PIGL: variants seen among roughly 807,000 people sequenced by gnomAD.
The protein encoded by PIGL is N-acetylglucosaminyl-phosphatidylinositol de-N-acetylase.
Under a neutral mutation model 31.1 loss-of-function variants are expected in PIGL, and 22 were observed. That is an observed-to-expected ratio of 0.71 (90% CI 0.51 to 1.01). The LOEUF (loss-of-function observed/expected upper bound fraction) is 1.01. Among genes scored for constraint, PIGL ranks in the 50% least tolerant of loss-of-function variants. The probability of loss-of-function intolerance (pLI) is 0.00; values close to 1 mark genes in which losing one functional copy is unlikely to be tolerated. For synonymous variants in PIGL, 131 were observed against 117.4 expected (o/e 1.12, Z -0.75); for missense variants, 302 against 315.9 (o/e 0.96, Z 0.33).
At chr17:16,243,600 G>A (rs542076751) in intron 2 of PIGL, among the ~76,000 whole-genome samples, 6 of 152,268 alleles carry the variant, frequency 3.9e-5, no homozygotes, top group South Asian at 2.1e-4. Context: ...TTTTAATTGC[G>A]TAACCTAGGC....
At chr17:16,264,702 A>AGCTCACTGCAGGTT (rs1388044667) in intron 2 of PIGL, among the ~76,000 whole-genome samples, 4 of 151,684 alleles carry the variant, frequency 2.6e-5, no homozygotes, top group Admixed American at 6.6e-5. Flanking sequence ...GCGTGATCTC[A>AGCTCACTGCAGGTT]GCTCACTGCA....
At chr17:16,242,864 T>A (rs2092728976) in intron 2 of PIGL, among the ~76,000 whole-genome samples, 1 of 151,862 alleles carries the variant, frequency 6.6e-6, no homozygotes, top group Non-Finnish European at 1.5e-5. Context: ...ATGGTCCACT[T>A]CCCAAAGTGC....
chr17:16,260,651 A>G (rs1441428332), intron 2 of PIGL, among the ~76,000 whole-genome samples: 1 of 152,078 alleles, frequency 6.6e-6, no homozygotes, highest in African/African-American at 2.4e-5. Flanking sequence ...TGACAGCTGG[A>G]TACTCGTTGG....
chr17:16,305,101 C>A (rs1194078546), intron 3 of PIGL, among the ~76,000 whole-genome samples: 2 of 152,060 alleles, frequency 1.3e-5, no homozygotes, highest in African/African-American at 4.8e-5. Flanking sequence ...CACAGTGAGA[C>A]CCTGCCTCTA....
At chr17:16,238,909 CA>C (rs892510303) in intron 2 of PIGL, among the ~76,000 whole-genome samples, 79 of 75,410 alleles carry the variant, frequency 1.0e-3, no homozygotes, top group Admixed American at 2.7e-3. Flanking sequence ...GACCCCGTCT[CA>C]AAAAAAAAAA....
At chr17:16,266,116 T>C (rs1463245815) in intron 2 of PIGL, among the ~76,000 whole-genome samples, 2 of 151,932 alleles carry the variant, frequency 1.3e-5, no homozygotes, top group Non-Finnish European at 2.9e-5. Context: ...TCTCCAGAAT[T>C]AGAATGAGTA....
rs747019781 is a variant in PIGL, at chr17:16,234,074, A to G, written c.335+4A>G. 2.9e-5 allele frequency: 43 copies of G among 1,484,010 alleles called. No individual in the cohort carries two copies. In the Middle Eastern group the frequency reaches 1.7e-3, roughly 59 times the overall value. 91.9% of individuals were successfully genotyped at this position (1,484,010 alleles called of 1,614,324 possible). ...GTGTAATGATTATTGACAACAGGTA[A>G]TATATCTTTTAACAATGTAGAAATT... On this transcript the variant is annotated splice_donor_region_variant and intron_variant, in intron 2 of 6. Coordinates refer to ENST00000225609, the MANE Select transcript of PIGL (RefSeq NM_004278.4).
At chr17:16,273,284 C>T (rs938163391) in intron 2 of PIGL, among the ~76,000 whole-genome samples, 1 of 152,084 alleles carries the variant, frequency 6.6e-6, no homozygotes, top group Non-Finnish European at 1.5e-5. Flanking sequence ...TAGGAATTAG[C>T]CAGGTGCATT....
At chr17:16,228,036 C>T (rs774925279) in intron 1 of PIGL, among the ~76,000 whole-genome samples, 2 of 149,260 alleles carry the variant, frequency 1.3e-5, no homozygotes, top group African/African-American at 2.5e-5. Flanking sequence ...ATAACAAGAA[C>T]TTACCATTTT....
At chr17:16,250,306 C>A (rs1022145089) in intron 2 of PIGL, among the ~76,000 whole-genome samples, 1 of 152,084 alleles carries the variant, frequency 6.6e-6, no homozygotes, top group African/African-American at 2.4e-5. Flanking sequence ...TAAACTTCAT[C>A]ATAGTTAACA....
intron 2 of PIGL, among the ~76,000 whole-genome samples, chr17:16,267,937 A>C (rs538154958): frequency 8.1e-4 from 124 of 152,236 alleles, no homozygotes; most frequent in Middle Eastern, 3.4e-3. Context: ...TACTCCAGGC[A>C]AGAGCAGACA....
intron 6 of PIGL, among the ~76,000 whole-genome samples, chr17:16,320,251 A>AAGG (rs2093098401): frequency 3.3e-5 from 2 of 60,108 alleles, no homozygotes; most frequent in Admixed American, 1.7e-4. Context: ...GGAAGGAAGG[A>AAGG]AAGGAGGGAG....
Position 16,217,242 on chromosome 17 carries a change from C to G in PIGL, c.16C>G (p.Leu6Val). The G allele has an allele frequency of 1.2e-6, 2 of 1,614,108 alleles. No homozygotes were observed. The highest frequency in any genetic ancestry group is 1.1e-5 in the South Asian group (1 of 91,080). Reference protein sequence around the residue: MEAMWLLCVALAVLAW... With the variant: MEAMWVLCVALAVLAW... ...CTTACCCATCATGGAAGCAATGTGG[C>G]TCCTGTGTGTGGCGTTGGCGGTCTT... The change falls in exon 1 of 7, where the codon CTC becomes GTC. Residue 6 changes from leucine (L) to valine (V), a missense_variant. Transcript: ENST00000225609.
chr17:16,303,737 CAG>C (rs1185165796), intron 3 of PIGL, among the ~76,000 whole-genome samples: 1 of 147,738 alleles, frequency 6.8e-6, no homozygotes, highest in Non-Finnish European at 1.5e-5. Context: ...TTTTTTGAGA[CAG>C]AGTCTTGCTC....
At chr17:16,325,332 C>CAAAAAAAAAAAAAAAAAAAAAAAA in intron 6 of PIGL, among the ~76,000 whole-genome samples, 1 of 69,278 alleles carries the variant, frequency 1.4e-5, no homozygotes, top group Non-Finnish European at 2.7e-5. Flanking sequence ...GCAACAGGCT[C>CAAAAAAAAAAAAAAAAAAAAAAAA]AAAAAAAAAA....
intron 2 of PIGL, among the ~76,000 whole-genome samples, chr17:16,278,774 C>G (rs532820398): frequency 6.6e-6 from 1 of 151,784 alleles, no homozygotes; most frequent in African/African-American, 2.4e-5. Context: ...ACACATTTCA[C>G]TTTCCTTGCA....
At chr17:16,281,985 G>A in intron 2 of PIGL, 1 of 492,384 alleles carries the variant, frequency 2.0e-6, no homozygotes, top group Non-Finnish European at 4.3e-6. Context: ...TGGAAGGGGG[G>A]CGACAGCTGT....
chr17:16,232,781 C>T (rs1170719318), intron 1 of PIGL, among the ~76,000 whole-genome samples: 3 of 126,530 alleles, frequency 2.4e-5, no homozygotes, highest in Non-Finnish European at 3.5e-5. Flanking sequence ...AAAAAAAAAA[C>T]GCAAAAAAAG....
chr17:16,317,749 C>T, intron 5 of PIGL, 26 bp from the exon 6 acceptor site: 1 of 1,613,250 alleles, frequency 6.2e-7, no homozygotes. Context: ...AGGCTTATCA[C>T]TTCACCCTGT....
Sources: allele counts gnomAD v4.1 joint callset (sites outside exome capture counted in the v4.1 genomes callset), GRCh38; gene constraint gnomAD v4.1.1; transcripts MANE v1.5; gene names NCBI Gene and HGNC (gene_info 2026-07-23, HGNC 2026-07-21).